FAM118B: variants seen among roughly 807,000 people sequenced by gnomAD.
FAM118B encodes SIR2 antiphage like 1.
A neutral mutation model predicts 38.5 loss-of-function variants in FAM118B; 24 were observed. The observed-to-expected ratio is 0.62, with a 90% CI of 0.45 to 0.88. FAM118B has a LOEUF of 0.88. Among genes scored for constraint, FAM118B ranks in the 40% least tolerant of loss-of-function variants. The pLI is 0.00. For synonymous variants in FAM118B, 138 were observed against 156.3 expected (o/e 0.88, Z 0.87); for missense variants, 334 against 420.0 (o/e 0.80, Z 1.79).
chr11:126,250,058 G>A lies in FAM118B; in HGVS notation c.340-448G>A, dbSNP rs998658082. ...TGTATCATCTCATCTTCCTTATTACGTTCGTATGAGATAGATAATATTTTA... is the reference window on the plus strand; with the variant it reads ...TGTATCATCTCATCTTCCTTATTACATTCGTATGAGATAGATAATATTTTA... On this transcript the variant is annotated intron_variant, in intron 4 of 8. Coordinates refer to ENST00000533050, the MANE Select transcript of FAM118B (RefSeq NM_024556.4). The surrounding 1 kb of genome is among the most constrained non-coding windows in gnomAD (Gnocchi z 5.1). 3.3e-5 allele frequency among the ~76,000 whole-genome samples: 5 copies of A among 150,876 alleles called. No individual in the cohort carries two copies. The highest frequency in any genetic ancestry group is 5.9e-5 in the Non-Finnish European group (4 of 67,824).
chr11:126,236,030 G>C (rs554241347), intron 3 of FAM118B, among the ~76,000 whole-genome samples: 1 of 152,272 alleles, frequency 6.6e-6, no homozygotes, highest in African/African-American at 2.4e-5. Flanking sequence ...GAAACACACC[G>C]ATAACTTGCT....
chr11:126,234,913 T>G, intron 2 of FAM118B, 82 bp from the exon 3 acceptor site: 1 of 1,140,082 alleles, frequency 8.8e-7, no homozygotes, highest in Admixed American at 2.3e-5. Flanking sequence ...TACAGCTTTT[T>G]TAAACTGTTT....
In FAM118B at chr11:126,253,781, GCTT is replaced by G. The variant is rs1950537575; in HGVS notation, c.568-519_568-517del. The stretch of plus-strand genomic sequence containing the variant: ...TATATGTCCCAGCAGGCTAGCCCAG[GCTT>G]CTTCACTTTCTTCGCATGGCAGCTG... On this transcript the variant is annotated intron_variant, in intron 5 of 8. Coordinates refer to ENST00000533050, the MANE Select transcript of FAM118B (RefSeq NM_024556.4). The surrounding 1 kb of genome is among the most constrained non-coding windows in gnomAD (Gnocchi z 5.1). 6.6e-6 allele frequency among the ~76,000 whole-genome samples: 1 copy of G among 152,156 alleles called. No homozygotes were observed. Among genetic ancestry groups the G allele is most frequent in the Admixed American group, 6.5e-5 (1 of 15,274 alleles).
rs1388666221 is a variant in FAM118B at position 126,247,883 on chromosome 11, A to C, written c.340-2623A>C. Among the ~76,000 whole-genome samples the C allele has an allele frequency of 2.8e-5, 4 of 144,356 alleles. 1 individual carries two copies. The highest frequency in any genetic ancestry group is 4.3e-4 in the South Asian group (2 of 4,676). 94.7% of individuals were successfully genotyped at this position (144,356 alleles called of 152,430 possible). ...AAAAAAAAAATATATATATATATCTATATATATATATAGATATACGTATAT... is the reference window on the plus strand; with the variant it reads ...AAAAAAAAAATATATATATATATCTCTATATATATATAGATATACGTATAT... On this transcript the variant is annotated intron_variant, in intron 4 of 8. Coordinates refer to ENST00000533050, the MANE Select transcript of FAM118B (RefSeq NM_024556.4).
At chr11:126,238,229 G>A (rs1480819233) in intron 3 of FAM118B, among the ~76,000 whole-genome samples, 3 of 152,000 alleles carry the variant, frequency 2.0e-5, no homozygotes, top group African/African-American at 7.3e-5. Flanking sequence ...GGGTGTGGTG[G>A]CACGTGCCTG....
chr11:126,220,370 T>C (rs576796327), intron 1 of FAM118B, among the ~76,000 whole-genome samples: 108 of 149,168 alleles, frequency 7.2e-4, no homozygotes, highest in African/African-American at 2.2e-3. Flanking sequence ...CTCTCTCTCT[T>C]TTTTTTTTAA....
intron 7 of FAM118B, among the ~76,000 whole-genome samples, chr11:126,257,879 G>GATTC (rs1340979117): frequency 6.6e-6 from 1 of 152,150 alleles, no homozygotes; most frequent in African/African-American, 2.4e-5. Flanking sequence ...GGTGATTAAA[G>GATTC]ATTCAGCTGA....
chr11:126,223,111 G>T (rs910723588), intron 1 of FAM118B, among the ~76,000 whole-genome samples: 7 of 146,062 alleles, frequency 4.8e-5, no homozygotes, highest in Non-Finnish European at 7.6e-5. Context: ...GGAGGGGGGG[G>T]TGTTCAAGCA....
intron 4 of FAM118B, chr11:126,241,297 T>C: frequency 2.7e-6 from 1 of 366,880 alleles, no homozygotes; most frequent in East Asian, 4.0e-5. Flanking sequence ...TATGTACAAA[T>C]TACCACTGTG....
chr11:126,224,289 G>C (rs114568516), intron 1 of FAM118B, among the ~76,000 whole-genome samples: 2 of 151,822 alleles, frequency 1.3e-5, no homozygotes, highest in African/African-American at 4.8e-5. Flanking sequence ...CCTGAGCAAC[G>C]TGACAAAACC....
intron 7 of FAM118B, among the ~76,000 whole-genome samples, chr11:126,257,986 C>T (rs964252337): frequency 1.3e-5 from 2 of 152,172 alleles, no homozygotes; most frequent in Admixed American, 6.6e-5. Context: ...CTCACATTGC[C>T]AGGCTCCAGA....
chr11:126,256,297 G>C lies in FAM118B; in HGVS notation c.697-270G>C, dbSNP rs1314665958. Among the ~76,000 whole-genome samples the C allele has an allele frequency of 6.6e-6, 1 of 152,198 alleles. No homozygotes were observed. The highest frequency in any genetic ancestry group is 1.9e-4 in the East Asian group (1 of 5,200). ...TATATAAAGCATAAAAAATAAAGAAGTAAACTACTGCACCAGTACACTGAC... is the reference window on the plus strand; with the variant it reads ...TATATAAAGCATAAAAAATAAAGAACTAAACTACTGCACCAGTACACTGAC... On this transcript the variant is annotated intron_variant, in intron 6 of 8. Coordinates refer to ENST00000533050, the MANE Select transcript of FAM118B (RefSeq NM_024556.4). The surrounding 1 kb of genome is among the most constrained non-coding windows in gnomAD (Gnocchi z 6.6).
Position 126,235,479 on chromosome 11 carries a change from C to G in FAM118B, c.86+392C>G, listed in dbSNP as rs146800956. Among the ~76,000 whole-genome samples, 391 of 152,184 alleles carry G rather than the reference C, an allele frequency of 2.6e-3. 2 individuals are homozygous for G. The highest frequency in any genetic ancestry group is 3.5e-3 in the Non-Finnish European group (239 of 67,998). On this transcript the variant is annotated intron_variant, in intron 3 of 8. Coordinates refer to ENST00000533050, the MANE Select transcript of FAM118B (RefSeq NM_024556.4). Reference sequence around the variant, plus strand: ...CCTCTGTATTGCCACTCCACACACTCTCCCCATGTTCTTGTATGTTTGTGT... The same window carrying G: ...CCTCTGTATTGCCACTCCACACACTGTCCCCATGTTCTTGTATGTTTGTGT...
In FAM118B at chr11:126,233,919, A is replaced by T. The variant is rs149725787; in HGVS notation, c.-7-1076A>T. On this transcript the variant is annotated intron_variant, in intron 2 of 8. Transcript: ENST00000533050. ...CAACATGGCAAAACCCCCTCTCTACAAACAGTACAAAATTCCACCAGATGT... is the reference window on the plus strand; with the variant it reads ...CAACATGGCAAAACCCCCTCTCTACTAACAGTACAAAATTCCACCAGATGT... Among the ~76,000 whole-genome samples the T allele has an allele frequency of 2.7e-3, 407 of 152,230 alleles. 1 individual carries two copies. Among genetic ancestry groups the T allele is most frequent in the African/African-American group, 9.4e-3 (391 of 41,528 alleles).
chr11:126,237,704 AAAAT>A lies in FAM118B; in HGVS notation c.86+2618_86+2621del, dbSNP rs1267479485. On this transcript the variant is annotated intron_variant, in intron 3 of 8. Coordinates refer to ENST00000533050, the MANE Select transcript of FAM118B (RefSeq NM_024556.4). Reference sequence around the variant, plus strand: ...CTAAAAAAAAAAAAAAAAAAAAAAAAAAATTAGCGGGGCGTGGTGGCGCGTGCCT... The same window carrying A: ...CTAAAAAAAAAAAAAAAAAAAAAAAATAGCGGGGCGTGGTGGCGCGTGCCT... 9.8e-5 allele frequency among the ~76,000 whole-genome samples: 8 copies of A among 81,398 alleles called. No homozygotes were observed. In the East Asian group the frequency reaches 1.4e-3, roughly 14 times the overall value. 53.4% of individuals were successfully genotyped at this position (81,398 alleles called of 152,430 possible). A position where few individuals can be genotyped will look rare whatever the true frequency, so the allele number is the denominator to read the frequency against.
rs1950391189 is a variant in FAM118B at position 126,243,993 on chromosome 11, G to GA, written c.339+2955dup. Among the ~76,000 whole-genome samples, 3 of 150,914 alleles carry GA rather than the reference G, an allele frequency of 2.0e-5. No homozygotes were observed. In the South Asian group the frequency reaches 6.3e-4, roughly 32 times the overall value. On this transcript the variant is annotated intron_variant, in intron 4 of 8. Coordinates refer to ENST00000533050, the MANE Select transcript of FAM118B (RefSeq NM_024556.4). ...CCACATGATTTTCTCAGTAGGTGCAGAAAAAACATGTTAGCAAAATGCAAC... is the reference window on the plus strand; with the variant it reads ...CCACATGATTTTCTCAGTAGGTGCAGAAAAAAACATGTTAGCAAAATGCAAC...
intron 2 of FAM118B, among the ~76,000 whole-genome samples, chr11:126,233,230 C>T (rs1317423509): frequency 2.0e-5 from 3 of 152,054 alleles, no homozygotes; most frequent in African/African-American, 7.2e-5. Context: ...AATCCCAACA[C>T]TTTGGGAGGC....
At chr11:126,222,351 G>A (rs988031473) in intron 1 of FAM118B, among the ~76,000 whole-genome samples, 3 of 152,196 alleles carry the variant, frequency 2.0e-5, no homozygotes, top group African/African-American at 7.2e-5. Flanking sequence ...ATATTTGAAC[G>A]TGAAGATGTA....
chr11:126,244,488 A>G lies in FAM118B; in HGVS notation c.339+3444A>G, dbSNP rs1950396812. ...CACTTGGCATCAAAAATAGTAAAATAGCTAGGAATAAATTTAACGAAAGAA... is the reference window on the plus strand; with the variant it reads ...CACTTGGCATCAAAAATAGTAAAATGGCTAGGAATAAATTTAACGAAAGAA... On this transcript the variant is annotated intron_variant, in intron 4 of 8. Transcript: ENST00000533050. This position sits in a 1 kb window ranked among gnomAD's most constrained non-coding sequence, Gnocchi z 4.5. Among the ~76,000 whole-genome samples, 1 of 152,250 alleles carries G rather than the reference A, an allele frequency of 6.6e-6. No individual in the cohort carries two copies. Among genetic ancestry groups the G allele is most frequent in the Admixed American group, 6.5e-5 (1 of 15,278 alleles).
Sources: allele counts gnomAD v4.1 joint callset (sites outside exome capture counted in the v4.1 genomes callset), GRCh38; gene constraint gnomAD v4.1.1; non-coding constraint Gnocchi (gnomAD v3.1); transcripts MANE v1.5; gene names NCBI Gene and HGNC (gene_info 2026-07-23, HGNC 2026-07-21).